The following NBPF20 variants were observed in gnomAD, a reference collection of about 807,000 sequenced individuals.
The protein encoded by NBPF20 is NBPF member 20, also known as NBPF family member NBPF20.
Under a neutral mutation model 68.1 loss-of-function variants are expected in NBPF20, and 90 were observed. The ratio of observed to expected loss-of-function variants is 1.32; its 90% CI spans 1.11 to 1.58. NBPF20 has a LOEUF of 1.58. NBPF20 is among the 40% of genes most tolerant of loss of function. The probability of loss-of-function intolerance (pLI) is 0.00; values close to 1 mark genes in which losing one functional copy is unlikely to be tolerated. For missense variants in NBPF20, 816 were observed against 601.2 expected (o/e 1.36, Z -3.74); for synonymous variants, 290 against 228.1 (o/e 1.27, Z -2.45).
At chr1:145,292,033 T>A (rs1302645730) in intron 137 of NBPF20, among the ~76,000 whole-genome samples, 2 of 149,162 alleles carry the variant, frequency 1.3e-5, no homozygotes, top group Non-Finnish European at 2.9e-5. Context: ...GACATACTGG[T>A]AAGGGAGTCA....
chr1:145,397,508 T>C (rs1375173842), intron 7 of NBPF20, among the ~76,000 whole-genome samples: 1 of 152,160 alleles, frequency 6.6e-6, no homozygotes, highest in Non-Finnish European at 1.5e-5. Flanking sequence ...GAAGGAGAAA[T>C]AAATCCTTTA....
upstream of NBPF20, among the ~76,000 whole-genome samples, chr1:145,407,059 GGA>G (rs1445235358): frequency 8.3e-6 from 1 of 119,926 alleles, no homozygotes; most frequent in Non-Finnish European, 1.7e-5. Context: ...AACATATGAT[GGA>G]GAGTGGTTAA....
chr1:145,292,285 G>C (rs587637347), intron 137 of NBPF20, 96 bp downstream of exon 142: 3 of 608,024 alleles, frequency 4.9e-6, no homozygotes, highest in Admixed American at 2.9e-5. Context: ...TTCAGCCTTC[G>C]TTGAAAACAT....
chr1:145,410,754 A>G, the NBPF20 span, among the ~76,000 whole-genome samples: 2 of 139,402 alleles, frequency 1.4e-5, no homozygotes, highest in African/African-American at 5.4e-5. Flanking sequence ...ATATATACAT[A>G]TATATATATA....
chr1:145,291,545 C>G, exon 138 of NBPF20: 1 of 1,611,962 alleles, frequency 6.2e-7, no homozygotes, highest in Non-Finnish European at 8.5e-7. Flanking sequence ...GAATATGACT[C>G]CCATCTGGAA....
At position 145,403,572 on chromosome 1, in the gene NBPF20, G is replaced by A. The variant is rs1183437709; in HGVS notation, c.176-254C>T. Among the ~76,000 whole-genome samples the A allele has an allele frequency of 1.4e-3, 216 of 152,350 alleles. 1 individual carries two copies. Among genetic ancestry groups the A allele is most frequent in the African/African-American group, 5.0e-3 (207 of 41,584 alleles). ...GACAAGATGATTCAACCACAACGAA[G>A]TGGAGTCAGAATTCACAGTCCGTGA... On this transcript the variant is annotated intron_variant, in intron 2 of 137. Coordinates refer to ENST00000369373, the Ensembl canonical transcript of NBPF20.
exon 138 of NBPF20, chr1:145,291,531 G>T (rs782175357): frequency 3.1e-6 from 5 of 1,612,008 alleles, no homozygotes; most frequent in South Asian, 2.2e-5. Context: ...GCTGTTTATT[G>T]TGGGAATATG....
chr1:145,298,339 C>G (rs1434443995), intron 129 of NBPF20, among the ~76,000 whole-genome samples: 9 of 141,074 alleles, frequency 6.4e-5, no homozygotes, highest in East Asian at 5.9e-4. Flanking sequence ...TAGACACACA[C>G]ACACACACAC....
At position 145,292,501 on chromosome 1, in the gene NBPF20, T is replaced by A. The variant is rs782458577; in HGVS notation, c.16589-12A>T. ...CTTCTTTTCAATTTCTGCAATAAAT[T>A]CAGACATGGACAGACACATTAAGCT... is the stretch of plus-strand genomic sequence containing the variant. On this transcript the variant is annotated splice_polypyrimidine_tract_variant and intron_variant, in intron 136 of 137. Coordinates refer to ENST00000369373, the Ensembl canonical transcript of NBPF20. 3.7e-5 allele frequency: 26 copies of A among 706,820 alleles called. No homozygotes were observed. The South Asian group carries it at 3.9e-4, about 11-fold the overall frequency. 43.8% of individuals were successfully genotyped at this position (706,820 alleles called of 1,614,324 possible).
At chr1:145,393,548 CTGTATT>C (rs1283173190) in intron 9 of NBPF20, among the ~76,000 whole-genome samples, 1 of 151,906 alleles carries the variant, frequency 6.6e-6, no homozygotes, top group Non-Finnish European at 1.5e-5. Flanking sequence ...AAAGGACACT[CTGTATT>C]TGTGCTCTCA....
At chr1:145,291,702 A>G in exon 138 of NBPF20, 1 of 1,611,924 alleles carries the variant, frequency 6.2e-7, no homozygotes, top group Non-Finnish European at 8.5e-7. Flanking sequence ...GACGGAGTAG[A>G]ATAACATCCA....
At chr1:145,346,247 A>G in intron 69 of NBPF20, 75 bp downstream of exon 74, 1 of 41,120 alleles carries the variant, frequency 2.4e-5, no homozygotes, top group Non-Finnish European at 3.9e-5. Context: ...GACATCAAAC[A>G]CACTCTGGTT....
intron 3 of NBPF20, among the ~76,000 whole-genome samples, chr1:145,402,995 T>C (rs1662597048): frequency 6.6e-6 from 1 of 151,918 alleles, no homozygotes. Flanking sequence ...AACAATTACT[T>C]GTTTGAAAAA....
chr1:145,402,740 A>C (rs1263728801), intron 3 of NBPF20, among the ~76,000 whole-genome samples: 5 of 149,284 alleles, frequency 3.3e-5, no homozygotes, highest in African/African-American at 1.2e-4. Flanking sequence ...CACTAGATAC[A>C]AAGCTATGTA....
At chr1:145,398,587 G>A (rs1477342199) in intron 7 of NBPF20, among the ~76,000 whole-genome samples, 2 of 152,040 alleles carry the variant, frequency 1.3e-5, no homozygotes, top group African/African-American at 4.8e-5. Flanking sequence ...AATGTGTAGA[G>A]GGAAAATTAT....
rs520285 is a variant in NBPF20 at position 145,400,550 on chromosome 1, T to A, written c.611A>T (p.Gln204Leu). ...TGAATAAGTGATGGCACATTCCTCC[T>A]GTGAGTCCTCAGGGACTTCCTTTTC... The change falls in exon 6 of 138, where the codon CAG becomes CTG. Residue 204 changes from glutamine to leucine, a missense_variant. Coordinates refer to ENST00000369373, the Ensembl canonical transcript of NBPF20. 251 of 1,612,662 alleles carry A rather than the reference T, an allele frequency of 1.6e-4. No homozygotes were observed. The East Asian group carries it at 3.6e-3, about 23-fold the overall frequency.
exon 137 of NBPF20, chr1:145,292,460 T>G (rs1326629921): frequency 8.4e-6 from 6 of 717,926 alleles, no homozygotes; most frequent in African/African-American, 2.1e-5. Context: ...CTTCCCCTTC[T>G]TTTCTTCCCC....
rs782798448 is a variant in NBPF20 at position 145,291,783 on chromosome 1, C to A, written c.16698-14G>T. On this transcript the variant is annotated splice_polypyrimidine_tract_variant and intron_variant, in intron 137 of 137. Transcript: ENST00000369373. ...ACGCCGTTGAGCCTGGAAAAGGAGA[C>A]AAAACTAAAGAAGCAGCCAGGGAAA... is the stretch of plus-strand genomic sequence containing the variant. The A allele has an allele frequency of 1.2e-5, 19 of 1,611,308 alleles. No individual in the cohort carries two copies. The highest frequency in any genetic ancestry group is 1.3e-5 in the African/African-American group (1 of 74,566).
the NBPF20 span, among the ~76,000 whole-genome samples, chr1:145,415,993 C>T: frequency 1.5e-3 from 216 of 148,424 alleles, no homozygotes; most frequent in Non-Finnish European, 2.2e-3. Context: ...TAGCCAGGTG[C>T]GGTGGCAGGC....
Sources: allele counts gnomAD v4.1 joint callset (sites outside exome capture counted in the v4.1 genomes callset), GRCh38; gene constraint gnomAD v4.1.1; transcripts MANE v1.5; gene names NCBI Gene and HGNC (gene_info 2026-07-23, HGNC 2026-07-21).